VPS13D: variants seen among roughly 807,000 people sequenced by gnomAD.
VPS13D encodes vacuolar protein sorting 13 homolog D, also known as intermembrane lipid transfer protein VPS13D.
In VPS13D, 187 loss-of-function variants were observed where a neutral mutation model predicts 461.9. The observed-to-expected ratio is 0.40, with a 90% confidence interval of 0.36 to 0.46. The LOEUF (loss-of-function observed/expected upper bound fraction) is 0.46. Among genes scored for constraint, VPS13D ranks in the 20% least tolerant of loss-of-function variants. The pLI, the probability that VPS13D is intolerant of heterozygous loss-of-function variation, is 0.60. For synonymous variants in VPS13D, 1,951 were observed against 1,986.3 expected, an observed-to-expected ratio of 0.98 and a Z score of 0.47; for missense variants, 4,711 against 5,364.9, an observed-to-expected ratio of 0.88 and a Z score of 3.81.
Position 12,327,748 on chromosome 1 carries a change from A to G in VPS13D, c.8091A>G (p.Ala2697=). The change falls in exon 36 of 70, where the codon GCA becomes GCG. Residue 2697 remains alanine (A), a synonymous_variant. Transcript: ENST00000620676. ...GCCGAGATAGCCCAGGGGCTGTGGCAGCGCCATTGATCTCTGGCGTGGAGA... is the reference window on the plus strand; with the variant it reads ...GCCGAGATAGCCCAGGGGCTGTGGCGGCGCCATTGATCTCTGGCGTGGAGA... The part of the protein sequence containing the change: ...STSRDSPGAV[A]APLISGVEIK... 6.2e-7 allele frequency: 1 copy of G among 1,614,030 alleles called. No homozygotes were observed. The highest frequency in any genetic ancestry group is 2.2e-5 in the East Asian group (1 of 44,878).
At chr1:12,417,216 A>G (rs1275547857) in intron 65 of VPS13D, among the ~76,000 whole-genome samples, 1 of 152,188 alleles carries the variant, frequency 6.6e-6, no homozygotes, top group African/African-American at 2.4e-5. Context: ...GTTTACAGGG[A>G]AAGTCCAAGC....
intron 24 of VPS13D, among the ~76,000 whole-genome samples, chr1:12,295,027 G>A (rs1457277983): frequency 6.6e-6 from 1 of 152,034 alleles, no homozygotes; most frequent in Non-Finnish European, 1.5e-5. Flanking sequence ...TTCGTGACCA[G>A]CCTGGGCAAC....
At chr1:12,448,198 C>T (rs1645218178) in intron 65 of VPS13D, among the ~76,000 whole-genome samples, 1 of 152,172 alleles carries the variant, frequency 6.6e-6, no homozygotes, top group South Asian at 2.1e-4. Context: ...GAGTTGGCAT[C>T]AGGACTCTGC....
chr1:12,316,110 C>T (rs1056177454), intron 30 of VPS13D, among the ~76,000 whole-genome samples: 13 of 152,230 alleles, frequency 8.5e-5, no homozygotes, highest in East Asian at 3.9e-4. Context: ...CCACCGTGCC[C>T]GGCCGAGAAA....
intron 52 of VPS13D, among the ~76,000 whole-genome samples, chr1:12,365,728 A>T (rs1171705937): frequency 1.3e-5 from 2 of 151,824 alleles, no homozygotes; most frequent in Non-Finnish European, 2.9e-5. Context: ...AAATTCTTTC[A>T]TCAAATGCTT....
intron 67 of VPS13D, among the ~76,000 whole-genome samples, chr1:12,466,673 A>G (rs1255571722): frequency 6.6e-6 from 1 of 151,880 alleles, no homozygotes; most frequent in Non-Finnish European, 1.5e-5. Flanking sequence ...AGAGGCATGT[A>G]TATGGTAGAG....
intron 67 of VPS13D, among the ~76,000 whole-genome samples, chr1:12,468,861 T>A (rs1354354675): frequency 1.3e-5 from 2 of 152,068 alleles, no homozygotes; most frequent in African/African-American, 4.8e-5. Flanking sequence ...AGTGAAACCC[T>A]GTCTCTATAA....
At chr1:12,508,477 G>A (rs960940502) in intron 69 of VPS13D, among the ~76,000 whole-genome samples, 6 of 151,404 alleles carry the variant, frequency 4.0e-5, no homozygotes, top group Non-Finnish European at 7.4e-5. Flanking sequence ...AGGCCGAGGC[G>A]GGCGGATCAC....
rs992044294 is a variant in VPS13D, at chr1:12,336,005, G to A, written c.8551+178G>A. ...AGACAGTTTTCTGGCATGAACTACTGAACTTATAAATGTGGGCTGTAATTC... is the reference window on the plus strand; with the variant it reads ...AGACAGTTTTCTGGCATGAACTACTAAACTTATAAATGTGGGCTGTAATTC... On this transcript the variant is annotated intron_variant, in intron 39 of 69. Coordinates refer to ENST00000620676, the MANE Select transcript of VPS13D (RefSeq NM_015378.4). 4.2e-5 allele frequency: 35 copies of A among 833,446 alleles called. No individual in the cohort carries two copies. The Admixed American group carries it at 1.0e-3, about 25-fold the overall frequency. 51.6% of individuals were successfully genotyped at this position (833,446 alleles called of 1,614,324 possible).
At chr1:12,482,578 A>G (rs1278468678) in intron 67 of VPS13D, among the ~76,000 whole-genome samples, 1 of 152,146 alleles carries the variant, frequency 6.6e-6, no homozygotes, top group African/African-American at 2.4e-5. Flanking sequence ...CCTTGCATGA[A>G]TTATCTCTTT....
chr1:12,257,281 T>C lies in VPS13D; in HGVS notation c.941+194T>C, dbSNP rs574839115. Among the ~76,000 whole-genome samples, 3 of 152,374 alleles carry C rather than the reference T, an allele frequency of 2.0e-5. No individual in the cohort carries two copies. The East Asian group carries it at 5.8e-4, about 29-fold the overall frequency. On this transcript the variant is annotated intron_variant, in intron 9 of 69. Coordinates refer to ENST00000620676, the MANE Select transcript of VPS13D (RefSeq NM_015378.4). ...CTTTCTGTATATTTATTTGGTGTCATTGGCTTACTCTTAGACTGAGTGTAG... is the reference window on the plus strand; with the variant it reads ...CTTTCTGTATATTTATTTGGTGTCACTGGCTTACTCTTAGACTGAGTGTAG...
At chr1:12,420,490 C>T (rs186633213) in intron 65 of VPS13D, among the ~76,000 whole-genome samples, 15 of 152,300 alleles carry the variant, frequency 9.8e-5, no homozygotes, top group African/African-American at 3.4e-4. Context: ...CTGCAAAGAC[C>T]AGAGGGCTTT....
Position 12,308,730 on chromosome 1 carries a change from A to C in VPS13D, c.6650+89A>C, listed in dbSNP as rs376552311. ...AGTGGCGCAATCTTGGCTCACTGCA[A>C]CCTCCACCTCTGAGGTTCAAGTGAT... On this transcript the variant is annotated intron_variant, in intron 27 of 69. Transcript: ENST00000620676. 4.1e-6 allele frequency: 5 copies of C among 1,217,748 alleles called. No homozygotes were observed. In the African/African-American group the frequency reaches 4.6e-5, roughly 11 times the overall value. The allele number at this position is 1,217,748 out of a possible 1,614,324, so 75.4% of individuals were successfully genotyped here. A position where few individuals can be genotyped will look rare whatever the true frequency, so the allele number is the denominator to read the frequency against.
At chr1:12,477,216 C>T (rs1314538332) in intron 67 of VPS13D, among the ~76,000 whole-genome samples, 1 of 152,128 alleles carries the variant, frequency 6.6e-6, no homozygotes, top group Admixed American at 6.5e-5. Context: ...CCATTTTTCC[C>T]ACCTGCTCCT....
intron 67 of VPS13D, among the ~76,000 whole-genome samples, chr1:12,475,060 G>A (rs963972895): frequency 6.6e-6 from 1 of 152,182 alleles, no homozygotes; most frequent in Non-Finnish European, 1.5e-5. Context: ...GTATTGTGCG[G>A]AAGTGGCAGC....
chr1:12,267,865 C>T lies in VPS13D; in HGVS notation c.1746C>T (p.Val582=). The change falls in exon 15 of 70, where the codon GTC becomes GTT. Residue 582 remains valine, a synonymous_variant. Coordinates refer to ENST00000620676, the MANE Select transcript of VPS13D (RefSeq NM_015378.4). The stretch of plus-strand genomic sequence containing the variant: ...AATAGCAAAAAGAAGTTGGCAGAGT[C>T]TCACAATCTTTTGGTCTACAAACTA... ...FPNPQKEVGR[V]SQSFGLQTTS... 6.2e-7 allele frequency: 1 copy of T among 1,614,174 alleles called. No individual in the cohort carries two copies.
chr1:12,400,047 A>G (rs973514622), intron 60 of VPS13D, 134 bp from the exon 61 acceptor site: 14 of 937,258 alleles, frequency 1.5e-5, no homozygotes, highest in Admixed American at 2.5e-5. Context: ...GTGAACTGCT[A>G]TTGAGATCGA....
intron 65 of VPS13D, among the ~76,000 whole-genome samples, chr1:12,437,610 C>T (rs1645078210): frequency 1.3e-5 from 2 of 152,172 alleles, no homozygotes; most frequent in Non-Finnish European, 2.9e-5. Context: ...CCCTCCCCTC[C>T]CCCATCCATT....
intron 68 of VPS13D, among the ~76,000 whole-genome samples, chr1:12,498,335 C>T (rs533041125): frequency 3.3e-5 from 5 of 152,030 alleles, no homozygotes; most frequent in South Asian, 2.1e-4. Context: ...TAAGGTAAAG[C>T]GAGCGTGGGG....
Sources: gnomAD v4.1 joint callset for allele counts (sites outside exome capture counted in the v4.1 genomes callset) on GRCh38, gnomAD v4.1.1 for gene constraint, MANE v1.5 for transcripts, NCBI Gene and HGNC (gene_info 2026-07-23, HGNC 2026-07-21) for gene names.